PEX5L: variants seen among roughly 807,000 people sequenced by gnomAD.
PEX5L encodes the protein peroxisomal biogenesis factor 5 like, also known as PEX5-related protein.
PEX5L carries 30 observed loss-of-function variants against 84.0 expected under a neutral mutation model. The ratio of observed to expected loss-of-function variants is 0.36; its 90% CI spans 0.27 to 0.48. The LOEUF (loss-of-function observed/expected upper bound fraction) is 0.48, where lower values mean the gene tolerates loss of function less well. PEX5L is among the 20% of genes least tolerant of loss of function. PEX5L has a pLI of 0.99. For missense variants in PEX5L, 533 were observed against 754.6 expected (o/e 0.71, Z 3.44); for synonymous variants, 270 against 283.1 (o/e 0.95, Z 0.46).
chr3:179,950,897 G>A (rs1778914051), intron 2 of PEX5L, among the ~76,000 whole-genome samples: 2 of 152,222 alleles, frequency 1.3e-5, no homozygotes, highest in Non-Finnish European at 2.9e-5. Context: ...GAGGAGGCAG[G>A]GAGCAAAATG....
chr3:179,849,221 A>G (rs568394118), intron 8 of PEX5L, among the ~76,000 whole-genome samples: 10 of 152,326 alleles, frequency 6.6e-5, no homozygotes, highest in African/African-American at 2.2e-4. Context: ...ATTGCTATTT[A>G]TACAATGTAT....
chr3:179,971,704 A>G, intron 1 of PEX5L, 39 bp from the exon 2 acceptor site: 1 of 1,528,868 alleles, frequency 6.5e-7, no homozygotes, highest in South Asian at 1.2e-5. Context: ...TTTAGTTTCT[A>G]TCCATTAACA....
chr3:179,845,811 A>G (rs1188170149), intron 8 of PEX5L, among the ~76,000 whole-genome samples: 3 of 152,178 alleles, frequency 2.0e-5, no homozygotes, highest in Non-Finnish European at 4.4e-5. Context: ...AAACTTTAAC[A>G]TGGCCTGTGA....
At chr3:179,819,818 TGG>T (rs1727728847) in intron 9 of PEX5L, 40 bp downstream of exon 9, 1 of 1,552,128 alleles carries the variant, frequency 6.4e-7, no homozygotes, top group South Asian at 1.1e-5. Flanking sequence ...TCCAAAAAGG[TGG>T]AGAAAAGTAG....
At chr3:179,838,661 T>C (rs1305489886) in intron 8 of PEX5L, among the ~76,000 whole-genome samples, 1 of 152,178 alleles carries the variant, frequency 6.6e-6, no homozygotes, top group African/African-American at 2.4e-5. Context: ...TAGAATTATT[T>C]TGAAGATTAA....
intron 1 of PEX5L, among the ~76,000 whole-genome samples, chr3:180,004,311 C>T (rs1209738928): frequency 1.3e-5 from 2 of 152,102 alleles, no homozygotes; most frequent in Non-Finnish European, 2.9e-5. Context: ...TCAAAATAGG[C>T]AAGCCAAATT....
intron 1 of PEX5L, among the ~76,000 whole-genome samples, chr3:179,972,284 C>A (rs1268266325): frequency 1.4e-5 from 2 of 144,774 alleles, no homozygotes; most frequent in Non-Finnish European, 1.5e-5. Context: ...TGTAAATGCA[C>A]TTTTTTTTTT....
chr3:179,976,251 G>A lies in PEX5L; in HGVS notation c.22-4586C>T, dbSNP rs77133990. ...TGATAGTGTCAGATGCTGATGAGAG[G>A]TTACATAAGGATATGAACTAAAAAC... On this transcript the variant is annotated intron_variant, in intron 1 of 14. Transcript: ENST00000467460. 5.6e-3 allele frequency among the ~76,000 whole-genome samples: 851 copies of A among 152,308 alleles called. 26 individuals carry two copies. Among genetic ancestry groups the A allele is most frequent in the Admixed American group, 0.044 (669 of 15,286 alleles).
At chr3:179,975,223 A>G (rs12635425) in intron 1 of PEX5L, among the ~76,000 whole-genome samples, 25,016 of 152,092 alleles carry the variant, frequency 0.16, 2,316 homozygotes, top group Admixed American at 0.25. Context: ...GAAAAACAAT[A>G]TAATGGCCAC....
Position 179,873,773 on chromosome 3 carries a change from T to C in PEX5L, c.726+554A>G, listed in dbSNP as rs548202971. ...CACAGGATTATTTGAGTATTTTATATATAACACTTAAAAAACATACGTGAA... is the reference window on the plus strand; with the variant it reads ...CACAGGATTATTTGAGTATTTTATACATAACACTTAAAAAACATACGTGAA... On this transcript the variant is annotated intron_variant, in intron 7 of 14. Coordinates refer to ENST00000467460, the MANE Select transcript of PEX5L (RefSeq NM_016559.3). 1.5e-4 allele frequency among the ~76,000 whole-genome samples: 23 copies of C among 152,304 alleles called. 1 individual carries two copies. The South Asian group carries it at 4.6e-3, about 30-fold the overall frequency.
intron 2 of PEX5L, among the ~76,000 whole-genome samples, chr3:179,940,115 T>C (rs1365879870): frequency 2.6e-5 from 4 of 152,220 alleles, no homozygotes; most frequent in Non-Finnish European, 5.9e-5. Context: ...TACTAGTCAG[T>C]GCAGGTGACC....
chr3:179,970,304 G>A (rs1181424289), intron 2 of PEX5L, among the ~76,000 whole-genome samples: 3 of 152,000 alleles, frequency 2.0e-5, no homozygotes, highest in African/African-American at 4.8e-5. Context: ...CAGAATCCCA[G>A]TCTATGGGTG....
Position 179,879,916 on chromosome 3 carries a change from G to A in PEX5L, c.505+13C>T, listed in dbSNP as rs766444637. 1.3e-6 allele frequency: 2 copies of A among 1,539,074 alleles called. No homozygotes were observed. Among genetic ancestry groups the A allele is most frequent in the South Asian group, 2.6e-5 (2 of 78,316 alleles). ...CAAGGTTGAGCATCCATAGCCGCAA[G>A]CGATTGCCTTACCTAGATCTAAGGA... is the stretch of plus-strand genomic sequence containing the variant. On this transcript the variant is annotated intron_variant, in intron 5 of 14. Transcript: ENST00000467460.
At chr3:180,006,709 T>C (rs891834475) in intron 1 of PEX5L, among the ~76,000 whole-genome samples, 3 of 152,184 alleles carry the variant, frequency 2.0e-5, no homozygotes, top group Non-Finnish European at 2.9e-5. Context: ...TTCTTACATT[T>C]TGGCAGCAAG....
chr3:179,815,769 G>C, intron 10 of PEX5L, 92 bp downstream of exon 10: 9 of 1,390,334 alleles, frequency 6.5e-6, no homozygotes, highest in Non-Finnish European at 9.1e-6. Context: ...ACCTTTACTT[G>C]ATGAAAAGCT....
chr3:179,954,495 AC>A (rs1310430312), intron 2 of PEX5L, among the ~76,000 whole-genome samples: 2 of 152,160 alleles, frequency 1.3e-5, no homozygotes, highest in African/African-American at 4.8e-5. Context: ...GCAGCAGGTG[AC>A]CGGCAGGGGA....
chr3:179,915,514 C>T (rs898462262), intron 2 of PEX5L, among the ~76,000 whole-genome samples: 1 of 152,192 alleles, frequency 6.6e-6, no homozygotes, highest in African/African-American at 2.4e-5. Context: ...GCAGAAAAGT[C>T]ACTCAATTTT....
At chr3:180,034,740 A>G (rs1012306329) in intron 1 of PEX5L, among the ~76,000 whole-genome samples, 1 of 152,106 alleles carries the variant, frequency 6.6e-6, no homozygotes, top group African/African-American at 2.4e-5. Flanking sequence ...TTATTTAGTA[A>G]TGTTTTAATT....
intron 2 of PEX5L, among the ~76,000 whole-genome samples, chr3:179,925,559 A>C (rs1360911965): frequency 1.3e-5 from 2 of 152,238 alleles, no homozygotes; most frequent in African/African-American, 4.8e-5. Flanking sequence ...TCTGCATAAT[A>C]ATATTCAGTT....
Sources: allele counts gnomAD v4.1 joint callset (sites outside exome capture counted in the v4.1 genomes callset), GRCh38; gene constraint gnomAD v4.1.1; transcripts MANE v1.5; gene names NCBI Gene and HGNC (gene_info 2026-07-23, HGNC 2026-07-21).